The following CREM variants were observed in gnomAD, a reference collection of about 807,000 sequenced individuals.
CREM encodes cAMP-responsive element modulator.
Under a neutral mutation model 37.3 loss-of-function variants are expected in CREM, and 13 were observed. The observed-to-expected ratio is 0.35, with a 90% CI of 0.23 to 0.55. The LOEUF is 0.55. CREM is among the 20% of genes least tolerant of loss of function. The pLI is 0.88. For missense variants in CREM, 296 were observed against 362.3 expected, an observed-to-expected ratio of 0.82 and a Z score of 1.49; for synonymous variants, 124 against 120.2, an observed-to-expected ratio of 1.03 and a Z score of -0.21.
chr10:35,150,380 G>A (rs889335767), intron 3 of CREM, among the ~76,000 whole-genome samples: 1 of 151,992 alleles, frequency 6.6e-6, no homozygotes, highest in Non-Finnish European at 1.5e-5. Context: ...GGTGGGTCCC[G>A]GCTCACTAAG....
intron 6 of CREM, chr10:35,201,586 C>T (rs1192084737): frequency 2.1e-6 from 3 of 1,413,614 alleles, no homozygotes; most frequent in East Asian, 5.0e-5. Flanking sequence ...AGTTAATGAC[C>T]AAAATTGAGA....
chr10:35,134,522 A>G (rs1200699935), intron 1 of CREM, among the ~76,000 whole-genome samples: 1 of 152,134 alleles, frequency 6.6e-6, no homozygotes, highest in Non-Finnish European at 1.5e-5. Flanking sequence ...TGGCCTCAAC[A>G]TTTTTAAGTG....
chr10:35,151,804 A>C (rs1302430439), intron 3 of CREM, among the ~76,000 whole-genome samples: 1 of 152,264 alleles, frequency 6.6e-6, no homozygotes, highest in East Asian at 1.9e-4. Context: ...CCTCCATGCC[A>C]TGCATGGATC....
chr10:35,194,743 T>G (rs1024643507), intron 6 of CREM, among the ~76,000 whole-genome samples: 20 of 65,194 alleles, frequency 3.1e-4, no homozygotes, highest in East Asian at 7.9e-4. Context: ...GTCAATGTGT[T>G]TTTTTTTTTT....
chr10:35,183,874 A>G (rs547835547), intron 5 of CREM, among the ~76,000 whole-genome samples: 6 of 152,332 alleles, frequency 3.9e-5, no homozygotes, highest in Admixed American at 6.5e-5. Flanking sequence ...CAGGCATTCG[A>G]GACCAGCCTG....
rs200805466 is a variant in CREM at position 35,196,970 on chromosome 10, C to T, written c.598+8582C>T. 2.0e-5 allele frequency among the ~76,000 whole-genome samples: 3 copies of T among 148,492 alleles called. No individual in the cohort carries two copies. In the South Asian group the frequency reaches 6.4e-4, roughly 31 times the overall value. Reference sequence around the variant, plus strand: ...CTGCAAGCTCCGCCTCCCAGGTTCACGCCATTCTCCTGCCTCAGCCTCCTA... The same window carrying T: ...CTGCAAGCTCCGCCTCCCAGGTTCATGCCATTCTCCTGCCTCAGCCTCCTA... On this transcript the variant is annotated intron_variant, in intron 6 of 7. Coordinates refer to ENST00000685392, the MANE Select transcript of CREM (RefSeq NM_183011.2).
At chr10:35,131,396 TAGC>T (rs2089353480) in intron 1 of CREM, among the ~76,000 whole-genome samples, 1 of 152,164 alleles carries the variant, frequency 6.6e-6, no homozygotes, top group Admixed American at 6.5e-5. Context: ...AATAGCAAAA[TAGC>T]AGATAGTTTT....
chr10:35,195,315 C>G, intron 6 of CREM: 1 of 1,399,506 alleles, frequency 7.1e-7, no homozygotes, highest in Admixed American at 1.8e-5. Context: ...TGTTACTCTC[C>G]TAGTCACTTA....
At chr10:35,152,836 T>C (rs1210169000) in intron 3 of CREM, among the ~76,000 whole-genome samples, 4 of 152,316 alleles carry the variant, frequency 2.6e-5, no homozygotes, top group East Asian at 3.9e-4. Context: ...GGAAATAATA[T>C]TGTTTTTAAA....
At chr10:35,176,537 A>G (rs903355292) in intron 3 of CREM, among the ~76,000 whole-genome samples, 2 of 151,272 alleles carry the variant, frequency 1.3e-5, no homozygotes, top group Non-Finnish European at 2.9e-5. Flanking sequence ...CCTCCCGAGT[A>G]GCTGGGACTA....
At chr10:35,175,065 C>T (rs1441421215) in intron 3 of CREM, among the ~76,000 whole-genome samples, 1 of 152,220 alleles carries the variant, frequency 6.6e-6, no homozygotes, top group East Asian at 1.9e-4. Flanking sequence ...GAGGGCATAA[C>T]AGTGACTGTG....
At chr10:35,159,652 C>G (rs2093165842) in intron 3 of CREM, among the ~76,000 whole-genome samples, 1 of 152,178 alleles carries the variant, frequency 6.6e-6, no homozygotes, top group African/African-American at 2.4e-5. Context: ...TGACATTAGT[C>G]TGGCCGATGA....
chr10:35,175,736 A>T lies in CREM; in HGVS notation c.169-3153A>T, dbSNP rs780119724. 3 of 1,614,210 alleles carry T rather than the reference A, an allele frequency of 1.9e-6. No individual in the cohort carries two copies. The South Asian group carries it at 3.3e-5, about 18-fold the overall frequency. On this transcript the variant is annotated intron_variant, in intron 3 of 7. Transcript: ENST00000685392. The stretch of plus-strand genomic sequence containing the variant: ...TATCCTAGATAGTTTGTCATTTCTC[A>T]GCAGCAGGAAAAAGAGAAGTAGGCC...
chr10:35,155,963 A>G (rs11594196), intron 3 of CREM, among the ~76,000 whole-genome samples: 45,886 of 143,368 alleles, frequency 0.32, 7,324 homozygotes, highest in South Asian at 0.36. Flanking sequence ...TTTTTGAGAC[A>G]GAGTCTTGCC....
chr10:35,167,306 A>G lies in CREM; in HGVS notation c.169-11583A>G, dbSNP rs138917910. On this transcript the variant is annotated intron_variant, in intron 3 of 7. Transcript: ENST00000685392. ...ACTTTTGAGAATCCTGTCTTAATAC[A>G]TAAATATCAAGATAGTTTTCAACTT... is the stretch of plus-strand genomic sequence containing the variant. Among the ~76,000 whole-genome samples the G allele has an allele frequency of 2.6e-3, 390 of 152,352 alleles. 3 individuals are homozygous for G. The highest frequency in any genetic ancestry group is 9.0e-3 in the African/African-American group (376 of 41,586).
At chr10:35,165,792 T>C (rs1273914508) in intron 3 of CREM, among the ~76,000 whole-genome samples, 1 of 151,602 alleles carries the variant, frequency 6.6e-6, no homozygotes, top group African/African-American at 2.4e-5. Flanking sequence ...AAATAGGAAA[T>C]CCAAGATACT....
chr10:35,195,147 T>C (rs2095097750), intron 6 of CREM: 2 of 1,609,624 alleles, frequency 1.2e-6, no homozygotes, highest in South Asian at 2.2e-5. Context: ...TATGTTGAAC[T>C]GTGGTAGAGG....
At chr10:35,153,864 T>G (rs1214886717) in intron 3 of CREM, among the ~76,000 whole-genome samples, 4 of 152,124 alleles carry the variant, frequency 2.6e-5, no homozygotes, top group African/African-American at 9.7e-5. Context: ...ACTTAACCTC[T>G]CCAAGGACCT....
chr10:35,181,516 G>T (rs555609654), intron 5 of CREM, among the ~76,000 whole-genome samples: 400 of 152,182 alleles, frequency 2.6e-3, no homozygotes, highest in Non-Finnish European at 4.7e-3. Context: ...GTGTGTCTGT[G>T]GGGGGGATGA....
Sources: gnomAD v4.1 joint callset for allele counts (sites outside exome capture counted in the v4.1 genomes callset) on GRCh38, gnomAD v4.1.1 for gene constraint, MANE v1.5 for transcripts, NCBI Gene and HGNC (gene_info 2026-07-23, HGNC 2026-07-21) for gene names.